The following FGF13 variants were observed in gnomAD, a reference collection of about 807,000 sequenced individuals.
The protein encoded by FGF13 is fibroblast growth factor 13, also known as fibroblast growth factor homologous factor 2.
In FGF13, 2 loss-of-function variants were observed where a neutral mutation model predicts 19.5. That is an observed-to-expected ratio of 0.10 (90% CI 0.04 to 0.32). The LOEUF is 0.32. FGF13 is among the 10% of genes least tolerant of loss of function. The pLI is 1.00. For missense variants in FGF13, 113 were observed against 192.7 expected (o/e 0.59, Z 2.45); for synonymous variants, 72 against 76.9 (o/e 0.94, Z 0.33).
chrX:138,852,596 A>G (rs745672907), downstream of FGF13, among the ~76,000 whole-genome samples: 2 of 112,019 alleles, frequency 1.8e-5, no homozygotes, highest in South Asian at 7.4e-4. Flanking sequence ...CAAAACTACA[A>G]AAACCCTAGA....
intron 1 of FGF13, among the ~76,000 whole-genome samples, chrX:138,979,733 G>A (rs142088221): frequency 3.6e-5 from 4 of 111,088 alleles, no homozygotes; most frequent in Non-Finnish European, 7.6e-5. Context: ...AGAGTGTTTG[G>A]GTAAGAAATA....
At chrX:138,957,194 A>G in intron 1 of FGF13, among the ~76,000 whole-genome samples, 1 of 112,021 alleles carries the variant, frequency 8.9e-6, no homozygotes, top group Admixed American at 9.5e-5. Context: ...GACTGGAAGT[A>G]TTGTCCAAGC....
At chrX:138,744,709 A>C (rs748186388) in intron 3 of FGF13, among the ~76,000 whole-genome samples, 4 of 111,671 alleles carry the variant, frequency 3.6e-5, no homozygotes, top group Non-Finnish European at 7.5e-5. Flanking sequence ...TGCAGGAGTT[A>C]TAAATATGGA....
rs1273843813 is a variant in FGF13 at position 138,629,501 on chromosome X, T to G, written c.*3349A>C. The G allele has an allele frequency of 9.0e-6, 1 of 110,670 alleles. No homozygotes were observed. The highest frequency in any genetic ancestry group is 2.8e-4 in the East Asian group (1 of 3,510). 9.1% of individuals were successfully genotyped at this position (110,670 alleles called of 1,213,427 possible). On this transcript the variant is annotated 3_prime_UTR_variant, in exon 5 of 5. Transcript: ENST00000315930. The stretch of plus-strand genomic sequence containing the variant: ...ATGCTGTCTCATATAGTGAGGAAGT[T>G]CTCACTAAATCTGTTTGATAAGTGG...
At chrX:138,828,836 T>C (rs182760687) in intron 3 of FGF13, among the ~76,000 whole-genome samples, 30 of 110,630 alleles carry the variant, frequency 2.7e-4, no homozygotes, top group African/African-American at 8.9e-4. Context: ...TTCAGAAACA[T>C]GTATTGGGCA....
At chrX:139,157,815 C>T (rs945329164) in intron 1 of FGF13, among the ~76,000 whole-genome samples, 2 of 112,431 alleles carry the variant, frequency 1.8e-5, no homozygotes, top group African/African-American at 6.5e-5. Flanking sequence ...ATGTGGCTGT[C>T]GGGGTGGCCG....
chrX:138,812,983 A>C (rs1468804477), intron 3 of FGF13, among the ~76,000 whole-genome samples: 2 of 111,816 alleles, frequency 1.8e-5, no homozygotes, highest in Non-Finnish European at 3.8e-5. Flanking sequence ...TTTGCTGAGA[A>C]TGATGGCTTC....
intron 1 of FGF13, among the ~76,000 whole-genome samples, chrX:139,170,773 T>C (rs73243315): frequency 0.045 from 5,024 of 111,612 alleles, 119 homozygotes; most frequent in Middle Eastern, 0.11. Flanking sequence ...GCTAATTCTC[T>C]GGATATGTCT....
In FGF13 at chrX:139,065,177, T is replaced by A. The variant is rs373239904; in HGVS notation, c.-113+138239A>T. On this transcript the variant is annotated intron_variant, in intron 1 of 2. Transcript: ENST00000421460. ...AAGCACTAAACATGGAAAGGAACAA[T>A]CAGTTCCAGCCACTACAAAAACATA... Among the ~76,000 whole-genome samples the A allele has an allele frequency of 3.6e-5, 4 of 111,203 alleles. No individual in the cohort carries two copies. The East Asian group carries it at 1.1e-3, about 31-fold the overall frequency.
chrX:138,815,276 T>C (rs935817028), intron 3 of FGF13, among the ~76,000 whole-genome samples: 4 of 110,805 alleles, frequency 3.6e-5, no homozygotes, highest in Non-Finnish European at 7.6e-5. Context: ...ATGATGATTA[T>C]AGTTAATAAT....
intron 3 of FGF13, among the ~76,000 whole-genome samples, chrX:138,764,516 T>C (rs2090490552): frequency 8.9e-6 from 1 of 112,592 alleles, no homozygotes; most frequent in African/African-American, 3.2e-5. Flanking sequence ...CTTCCACATT[T>C]TAAAATGGTT....
Position 138,883,618 on chromosome X carries a change from A to C in FGF13, c.-112-18968T>G, listed in dbSNP as rs149126997. On this transcript the variant is annotated intron_variant, in intron 1 of 2. Coordinates refer to the FGF13 transcript ENST00000421460. ...TCAACCAGGAGCCAAGACAATAAAA[A>C]GAAGGTGGCAAATATGCTAGCAGAT... 3.7e-3 allele frequency among the ~76,000 whole-genome samples: 418 copies of C among 111,927 alleles called. 2 individuals carry two copies. The highest frequency in any genetic ancestry group is 0.011 in the African/African-American group (336 of 30,860).
chrX:139,179,804 G>A (rs933305971), intron 1 of FGF13, among the ~76,000 whole-genome samples: 13 of 112,971 alleles, frequency 1.2e-4, no homozygotes, highest in African/African-American at 4.2e-4. Context: ...ATCCAATGCT[G>A]AGTAAGACCC....
chrX:139,100,301 A>T (rs1680131794), intron 1 of FGF13, among the ~76,000 whole-genome samples: 1 of 110,478 alleles, frequency 9.1e-6, no homozygotes, highest in Non-Finnish European at 1.9e-5. Context: ...TCAAATATGT[A>T]CCTCAGGAAG....
intron 3 of FGF13, among the ~76,000 whole-genome samples, chrX:138,746,407 C>A (rs759289369): frequency 1.8e-5 from 2 of 109,796 alleles, no homozygotes; most frequent in Non-Finnish European, 3.8e-5. Flanking sequence ...GAACCTAGAT[C>A]ATTGTCTATA....
intron 1 of FGF13, among the ~76,000 whole-genome samples, chrX:139,047,598 C>A (rs1354267009): frequency 1.8e-5 from 2 of 111,573 alleles, no homozygotes; most frequent in African/African-American, 6.5e-5. Flanking sequence ...TTTTGGACTG[C>A]ATGACTTTGG....
chrX:139,008,708 T>C (rs1233577097), intron 1 of FGF13, among the ~76,000 whole-genome samples: 1 of 111,998 alleles, frequency 8.9e-6, no homozygotes, highest in Non-Finnish European at 1.9e-5. Context: ...CAGCAGCCTT[T>C]GAATCCCAGA....
At position 139,122,540 on chromosome X, in the gene FGF13, C is replaced by T. The variant is rs916563169; in HGVS notation, c.-113+80876G>A. On this transcript the variant is annotated intron_variant, in intron 1 of 2. Coordinates refer to the FGF13 transcript ENST00000421460. ...TTCAACCTTTCTGTGGCATTTGACA[C>T]GTGAAATCTTTTCTATACATGGCTT... is the stretch of plus-strand genomic sequence containing the variant. 1.7e-4 allele frequency among the ~76,000 whole-genome samples: 19 copies of T among 111,852 alleles called. No homozygotes were observed. The Admixed American group carries it at 1.7e-3, about 10-fold the overall frequency.
At chrX:138,852,347 A>G (rs1413580683) in intron 3 of FGF13, among the ~76,000 whole-genome samples, 1 of 111,826 alleles carries the variant, frequency 8.9e-6, no homozygotes, top group East Asian at 2.8e-4. Context: ...GTACTGGTAC[A>G]AAAGCAGACA....
Sources: allele counts gnomAD v4.1 joint callset (sites outside exome capture counted in the v4.1 genomes callset), GRCh38; gene constraint gnomAD v4.1.1; transcripts MANE v1.5; gene names NCBI Gene and HGNC (gene_info 2026-07-23, HGNC 2026-07-21).